Variants in CIBAR1 observed in about 807,000 individuals in gnomAD.
CIBAR1 encodes CBY1 interacting BAR domain containing 1.
Under a neutral mutation model 44.0 loss-of-function variants are expected in CIBAR1, and 25 were observed. That is an observed-to-expected ratio of 0.57 (90% CI 0.41 to 0.79). The LOEUF (loss-of-function observed/expected upper bound fraction) is 0.79, where lower values mean the gene tolerates loss of function less well. Ranked by LOEUF, CIBAR1 falls within the 30% of genes least tolerant of loss-of-function variation. The pLI, the probability that CIBAR1 is intolerant of heterozygous loss-of-function variation, is 0.00. For synonymous variants in CIBAR1, 115 were observed against 119.0 expected (o/e 0.97, Z 0.22); for missense variants, 278 against 344.8 (o/e 0.81, Z 1.53).
chr8:93,704,095 G>GT (rs1810480697), intron 3 of CIBAR1, among the ~76,000 whole-genome samples: 1 of 151,498 alleles, frequency 6.6e-6, no homozygotes, highest in South Asian at 2.1e-4. Flanking sequence ...ATACAAAGTA[G>GT]TATATAGTCA....
intron 6 of CIBAR1, among the ~76,000 whole-genome samples, chr8:93,717,399 T>G (rs919150037): frequency 6.6e-6 from 1 of 152,336 alleles, no homozygotes; most frequent in Admixed American, 6.5e-5. Flanking sequence ...ATGCCGTTTA[T>G]CCATCAGTTG....
At position 93,706,532 on chromosome 8, in the gene CIBAR1, C is replaced by A. The variant is rs1012308202; in HGVS notation, c.433-1479C>A. Among the ~76,000 whole-genome samples the A allele has an allele frequency of 2.0e-5, 3 of 152,154 alleles. No homozygotes were observed. The East Asian group carries it at 5.8e-4, about 29-fold the overall frequency. On this transcript the variant is annotated intron_variant, in intron 4 of 8. Transcript: ENST00000518322. ...GGTGATACATGAAGACATCTGGAAT[C>A]CTGAGTAGTTGGCAAGATTGAATCA...
intron 7 of CIBAR1, among the ~76,000 whole-genome samples, chr8:93,721,438 T>A (rs1019543594): frequency 4.6e-5 from 7 of 152,160 alleles, no homozygotes; most frequent in Admixed American, 6.5e-5. Context: ...CCTTTATAAC[T>A]TTTTACCAGT....
At chr8:93,715,784 G>C (rs1214534968) in intron 6 of CIBAR1, 2 of 152,088 alleles carry the variant, frequency 1.3e-5, no homozygotes, top group Non-Finnish European at 2.9e-5. Context: ...GGTTATACTA[G>C]TTCATTTAAC....
In CIBAR1 at chr8:93,728,430, C is replaced by T. The variant is rs770527627; in HGVS notation, c.*133C>T. On this transcript the variant is annotated 3_prime_UTR_variant, in exon 9 of 9. Coordinates refer to ENST00000518322, the MANE Select transcript of CIBAR1 (RefSeq NM_145269.5). ...GAAACAGAAAAATAATTAAAGGAAA[C>T]TTATGCTGACCAAAAATGAAGGCTT... is the stretch of plus-strand genomic sequence containing the variant. 1.4e-5 allele frequency: 8 copies of T among 559,022 alleles called. No homozygotes were observed. Among genetic ancestry groups the T allele is most frequent in the Non-Finnish European group, 2.2e-5 (7 of 325,472 alleles). 34.6% of individuals were successfully genotyped at this position (559,022 alleles called of 1,614,324 possible).
intron 7 of CIBAR1, chr8:93,721,311 TATA>T (rs571879257): frequency 1.3e-5 from 2 of 152,370 alleles, no homozygotes; most frequent in South Asian, 2.1e-4. Flanking sequence ...TTCTTCTTTG[TATA>T]ATACCTTTGA....
In CIBAR1 at chr8:93,728,432, T is replaced by TA. The variant is rs1240718169; in HGVS notation, c.*136dup. The TA allele has an allele frequency of 7.2e-6, 4 of 556,214 alleles. No homozygotes were observed. The highest frequency in any genetic ancestry group is 1.2e-5 in the Non-Finnish European group (4 of 322,734). 34.5% of individuals were successfully genotyped at this position (556,214 alleles called of 1,614,324 possible). A position where few individuals can be genotyped will look rare whatever the true frequency, so the allele number is the denominator to read the frequency against. ...AACAGAAAAATAATTAAAGGAAACT[T>TA]ATGCTGACCAAAAATGAAGGCTTTA... is the stretch of plus-strand genomic sequence containing the variant. On this transcript the variant is annotated 3_prime_UTR_variant, in exon 9 of 9. Coordinates refer to ENST00000518322, the MANE Select transcript of CIBAR1 (RefSeq NM_145269.5).
At chr8:93,721,681 T>C (rs1463845687) in intron 7 of CIBAR1, among the ~76,000 whole-genome samples, 1 of 152,250 alleles carries the variant, frequency 6.6e-6, no homozygotes, top group Non-Finnish European at 1.5e-5. Context: ...GCACCTCATA[T>C]GCACCAAGCA....
Position 93,730,431 on chromosome 8 carries a change from A to G in CIBAR1, c.*2134A>G, listed in dbSNP as rs1286591333. The G allele has an allele frequency of 6.6e-6, 1 of 152,220 alleles. No homozygotes were observed. The highest frequency in any genetic ancestry group is 1.9e-4 in the East Asian group (1 of 5,200). The allele number at this position is 152,220 out of a possible 1,614,324, so 9.4% of individuals were successfully genotyped here. A position where few individuals can be genotyped will look rare whatever the true frequency, so the allele number is the denominator to read the frequency against. ...TTTCTAGACAAAAATGTTTGGCTTT[A>G]AGACAAATGCCACTGGGTATCAGGC... On this transcript the variant is annotated 3_prime_UTR_variant, in exon 9 of 9. Transcript: ENST00000518322.
At chr8:93,721,692 CCATTCTAAGTGTGAAGGATGTAG>C in intron 7 of CIBAR1, among the ~76,000 whole-genome samples, 1 of 152,248 alleles carries the variant, frequency 6.6e-6, no homozygotes, top group East Asian at 1.9e-4. Context: ...GCACCAAGCA[CCATTCTAAGTGTGAAGGATGTAG>C]CATTCTAAGA....
Position 93,726,492 on chromosome 8 carries a change from G to A in CIBAR1, c.756G>A (p.Lys252=). The A allele has an allele frequency of 6.2e-7, 1 of 1,613,666 alleles. No individual in the cohort carries two copies. Among genetic ancestry groups the A allele is most frequent in the South Asian group, 1.1e-5 (1 of 91,068 alleles). ...CTCTTCAGAGATCACTGTCAGCTAA[G>A]TGTGTATCTGGAACAGGACAGGTGA... The part of the protein sequence containing the change: ...KSPLQRSLSA[K]CVSGTGQVST... The change falls in exon 8 of 9, where the codon AAG becomes AAA. Residue 252 remains lysine (K), a synonymous_variant. Coordinates refer to ENST00000518322, the MANE Select transcript of CIBAR1 (RefSeq NM_145269.5).
intron 8 of CIBAR1, chr8:93,727,046 A>G: frequency 1.9e-6 from 1 of 517,110 alleles, no homozygotes; most frequent in Non-Finnish European, 3.5e-6. Context: ...TATGGTTTCT[A>G]CCCCAACAAC....
In CIBAR1 at chr8:93,728,289, C is replaced by G; in HGVS notation, c.862C>G (p.Leu288Val). The change falls in exon 9 of 9, where the codon CTT (leucine) becomes GTT (valine). Residue 288 changes from leucine (L) to valine (V), a missense_variant. Leu to Val is a conservative substitution (Grantham distance 32). Transcript: ENST00000518322. ...AGATGTTACAGAAGAAGAAAATTTT[C>G]TTAAGTAAACTACACATTTCCATTT... ...ELDVTEEENF[L>V]K 1 of 1,569,830 alleles carries G rather than the reference C, an allele frequency of 6.4e-7. No individual in the cohort carries two copies. The highest frequency in any genetic ancestry group is 1.4e-5 in the African/African-American group (1 of 72,630).
At chr8:93,714,650 CT>C (rs879352220) in intron 6 of CIBAR1, among the ~76,000 whole-genome samples, 455 of 144,504 alleles carry the variant, frequency 3.1e-3, no homozygotes, top group Non-Finnish European at 2.9e-3. Context: ...AGCCCCCTTA[CT>C]TTTTTTTTTT....
intron 6 of CIBAR1, among the ~76,000 whole-genome samples, chr8:93,711,907 C>T (rs1442533811): frequency 6.6e-6 from 1 of 152,078 alleles, no homozygotes; most frequent in Non-Finnish European, 1.5e-5. Flanking sequence ...AGCTACAATT[C>T]CTGCTACCTT....
chr8:93,714,345 A>G (rs755410184), intron 6 of CIBAR1, among the ~76,000 whole-genome samples: 15 of 152,154 alleles, frequency 9.9e-5, no homozygotes, highest in Non-Finnish European at 1.9e-4. Flanking sequence ...TATTAGTTCT[A>G]ATAGTTTTTT....
chr8:93,707,041 T>C (rs1810619850), intron 4 of CIBAR1, among the ~76,000 whole-genome samples: 1 of 152,144 alleles, frequency 6.6e-6, no homozygotes, highest in Non-Finnish European at 1.5e-5. Context: ...CTGAACAAGC[T>C]TCCTATAATG....
At position 93,722,567 on chromosome 8, in the gene CIBAR1, G is replaced by A. The variant is rs140042537; in HGVS notation, c.657+3779G>A. Among the ~76,000 whole-genome samples the A allele has an allele frequency of 5.1e-3, 780 of 152,148 alleles. 10 individuals carry two copies. Among genetic ancestry groups the A allele is most frequent in the African/African-American group, 0.017 (710 of 41,522 alleles). On this transcript the variant is annotated intron_variant, in intron 7 of 8. Transcript: ENST00000518322. ...TAAAAAATTAGCCAGGCATGGTGGCGCGTGCCTGTAATCCCAGCTACTCGA... is the reference window on the plus strand; with the variant it reads ...TAAAAAATTAGCCAGGCATGGTGGCACGTGCCTGTAATCCCAGCTACTCGA...
intron 2 of CIBAR1, among the ~76,000 whole-genome samples, chr8:93,702,918 T>A (rs1329073963): frequency 6.6e-6 from 1 of 152,192 alleles, no homozygotes; most frequent in East Asian, 1.9e-4. Context: ...TTTCTTATGC[T>A]ATATTTAAAT....
Sources: allele counts gnomAD v4.1 joint callset (sites outside exome capture counted in the v4.1 genomes callset), GRCh38; gene constraint gnomAD v4.1.1; transcripts MANE v1.5; gene names NCBI Gene and HGNC (gene_info 2026-07-23, HGNC 2026-07-21).